USP20: variants seen among roughly 807,000 people sequenced by gnomAD.
The protein encoded by USP20 is ubiquitin carboxyl-terminal hydrolase 20.
In USP20, 80 loss-of-function variants were observed where a neutral mutation model predicts 124.2. The ratio of observed to expected loss-of-function variants is 0.64; its 90% confidence interval spans 0.54 to 0.78. The LOEUF (loss-of-function observed/expected upper bound fraction) is 0.78, where lower values mean the gene tolerates loss of function less well. Among genes scored for constraint, USP20 ranks in the 30% least tolerant of loss-of-function variants. USP20 has a pLI of 0.00. For missense variants in USP20, 1,043 were observed against 1,244.4 expected (o/e 0.84, Z 2.44); for synonymous variants, 481 against 512.3 (o/e 0.94, Z 0.83).
intron 9 of USP20, 48 bp downstream of exon 9, chr9:129,863,347 T>G: frequency 3.4e-5 from 49 of 1,434,468 alleles, no homozygotes; most frequent in African/African-American, 5.6e-5. Context: ...GGACTGGGGT[T>G]TCCTGTCAGC....
chr9:129,874,362 A>C (rs1337279860), intron 17 of USP20, among the ~76,000 whole-genome samples: 1 of 152,108 alleles, frequency 6.6e-6, no homozygotes, highest in Non-Finnish European at 1.5e-5. Context: ...TTGATGGCTC[A>C]TTGCAGCTCT....
intron 22 of USP20, among the ~76,000 whole-genome samples, chr9:129,876,655 GAAAA>G (rs1319252166): frequency 2.2e-5 from 3 of 139,422 alleles, no homozygotes; most frequent in Admixed American, 7.2e-5. Context: ...AAAAAAAAAA[GAAAA>G]AGAAAAGAAA....
intron 2 of USP20, 86 bp from the exon 3 acceptor site, chr9:129,852,454 C>G: frequency 8.0e-7 from 1 of 1,247,290 alleles, no homozygotes; most frequent in Non-Finnish European, 1.1e-6. Flanking sequence ...GACTCAAGGC[C>G]AAAGTCATGT....
At chr9:129,870,390 C>G in intron 14 of USP20, 63 bp from the exon 15 acceptor site, 2 of 1,546,562 alleles carry the variant, frequency 1.3e-6, no homozygotes, top group South Asian at 1.1e-5. Flanking sequence ...CAGCCAGAGT[C>G]CCTTCAGCTC....
At chr9:129,861,422 A>G (rs930806599) in intron 7 of USP20, 121 bp from the exon 8 acceptor site, 5 of 871,070 alleles carry the variant, frequency 5.7e-6, no homozygotes, top group African/African-American at 3.3e-5. Context: ...CGCTTCCACC[A>G]TGTCCTCTTC....
rs535125003 is a variant in USP20 at position 129,854,085 on chromosome 9, C to A, written c.81+1449C>A. The stretch of plus-strand genomic sequence containing the variant: ...TGAAAAAGATGGCTGACTTCACTCT[C>A]ATTCTTATGGATATTGCTAATGAAA... On this transcript the variant is annotated intron_variant, in intron 3 of 25. Transcript: ENST00000372429. 1.4e-4 allele frequency among the ~76,000 whole-genome samples: 21 copies of A among 152,354 alleles called. No homozygotes were observed. In the South Asian group the frequency reaches 4.1e-3, roughly 30 times the overall value.
intron 9 of USP20, among the ~76,000 whole-genome samples, chr9:129,863,806 C>T (rs1288864110): frequency 2.0e-5 from 3 of 152,172 alleles, no homozygotes; most frequent in Admixed American, 6.5e-5. Flanking sequence ...TGTGTAGAAG[C>T]GGATGAAAAA....
At chr9:129,867,596 AC>A (rs1386456471) in intron 10 of USP20, among the ~76,000 whole-genome samples, 2 of 151,110 alleles carry the variant, frequency 1.3e-5, no homozygotes, top group Non-Finnish European at 3.0e-5. Flanking sequence ...TCCTTCCGCC[AC>A]CCCCCTGCCC....
intron 25 of USP20, 80 bp from the exon 26 acceptor site, chr9:129,880,387 C>A: frequency 7.4e-7 from 1 of 1,350,302 alleles, no homozygotes; most frequent in South Asian, 1.4e-5. Flanking sequence ...AGAGCAGGTC[C>A]CTGAAAGCAC....
At chr9:129,870,113 G>T (rs2034041991) in intron 14 of USP20, 1 of 575,708 alleles carries the variant, frequency 1.7e-6, no homozygotes, top group East Asian at 2.9e-5. Flanking sequence ...GAGGGCAGCA[G>T]CAGGACACAG....
rs773142544 is a variant in USP20, at chr9:129,868,955, C to T, written c.1229C>T (p.Pro410Leu). The change falls in exon 12 of 26, where the codon CCT becomes CTT. Residue 410 changes from proline (P) to leucine (L), a missense_variant. By Grantham distance (98) the Pro-to-Leu change is moderately conservative (BLOSUM62 -3). Transcript: ENST00000372429. ...CATGCCAAGCTGTCTAGCAGCCCCCCTCGTGCAAGCCCCGTGAGGATGGCA... is the reference window on the plus strand; with the variant it reads ...CATGCCAAGCTGTCTAGCAGCCCCCTTCGTGCAAGCCCCGTGAGGATGGCA... ...EGHAKLSSSP[P>L]RASPVRMAPS... 1 of 1,612,786 alleles carries T rather than the reference C, an allele frequency of 6.2e-7. No individual in the cohort carries two copies. The highest frequency in any genetic ancestry group is 8.5e-7 in the Non-Finnish European group (1 of 1,179,374).
intron 19 of USP20, 70 bp downstream of exon 19, chr9:129,875,025 G>T: frequency 6.3e-7 from 1 of 1,576,882 alleles, no homozygotes; most frequent in Non-Finnish European, 8.6e-7. Context: ...GGGCCTTCTG[G>T]GTGTGTGTAG....
intron 1 of USP20, among the ~76,000 whole-genome samples, chr9:129,840,878 C>A (rs1349499098): frequency 1.4e-5 from 2 of 148,068 alleles, no homozygotes; most frequent in African/African-American, 5.0e-5. Context: ...TCAAGTGATT[C>A]TTCTACCTCA....
At chr9:129,844,887 A>G (rs2032449423) in intron 1 of USP20, among the ~76,000 whole-genome samples, 1 of 151,916 alleles carries the variant, frequency 6.6e-6, no homozygotes, top group African/African-American at 2.4e-5. Context: ...TGAGGCAAAA[A>G]TGAATATTGA....
At chr9:129,852,778 C>T in intron 3 of USP20, 142 bp downstream of exon 3, 1 of 885,026 alleles carries the variant, frequency 1.1e-6, no homozygotes. Context: ...ATGCTGGCAT[C>T]TGCTTGGGAG....
chr9:129,849,797 C>T lies in USP20; in HGVS notation c.-128-16C>T, dbSNP rs1261087172. 1 of 152,260 alleles carries T rather than the reference C, an allele frequency of 6.6e-6. No individual in the cohort carries two copies. Among genetic ancestry groups the T allele is most frequent in the Non-Finnish European group, 1.5e-5 (1 of 68,114 alleles). The allele number at this position is 152,260 out of a possible 1,614,324, so 9.4% of individuals were successfully genotyped here. On this transcript the variant is annotated splice_polypyrimidine_tract_variant and intron_variant, in intron 1 of 25. Coordinates refer to ENST00000372429, the MANE Select transcript of USP20 (RefSeq NM_001110303.4). ...TAATAACAGAACTGTGTGAAATGCT[C>T]TGGTTCATCCCCCAGGCTCCTTGCC... is the stretch of plus-strand genomic sequence containing the variant.
chr9:129,863,112 G>A lies in USP20; in HGVS notation c.498-74G>A, dbSNP rs143402849. 8.9e-6 allele frequency: 11 copies of A among 1,237,078 alleles called. No homozygotes were observed. In the African/African-American group the frequency reaches 1.2e-4, roughly 13 times the overall value. The allele number at this position is 1,237,078 out of a possible 1,614,324, so 76.6% of individuals were successfully genotyped here. On this transcript the variant is annotated intron_variant, in intron 8 of 25. Coordinates refer to ENST00000372429, the MANE Select transcript of USP20 (RefSeq NM_001110303.4). ...CCTGTGCGAGCACTCAGGGCTCCCC[G>A]CTATGCAGCCCTTTCTAAACTGCCG...
At position 129,839,312 on chromosome 9, in the gene USP20, C is replaced by T. The variant is rs2032056930; in HGVS notation, c.-129+3813C>T. Among the ~76,000 whole-genome samples the T allele has an allele frequency of 6.6e-6, 1 of 152,104 alleles. No individual in the cohort carries two copies. The highest frequency in any genetic ancestry group is 2.4e-5 in the African/African-American group (1 of 41,406). On this transcript the variant is annotated intron_variant, in intron 1 of 25. Coordinates refer to ENST00000372429, the MANE Select transcript of USP20 (RefSeq NM_001110303.4). This position sits in a 1 kb window ranked among gnomAD's most constrained non-coding sequence, Gnocchi z 4.5. The stretch of plus-strand genomic sequence containing the variant: ...CCAGTGAGGTCACATGTGAGAACAC[C>T]AGACTAAGATGTTAGTGTCAGTTCC...
chr9:129,859,310 G>C (rs1456385906), intron 6 of USP20, among the ~76,000 whole-genome samples: 1 of 18,720 alleles, frequency 5.3e-5, no homozygotes, highest in Non-Finnish European at 1.4e-4. Flanking sequence ...GTCTCGCTCT[G>C]TTGCTCAGGC....
Sources: allele counts gnomAD v4.1 joint callset (sites outside exome capture counted in the v4.1 genomes callset), GRCh38; gene constraint gnomAD v4.1.1; non-coding constraint Gnocchi (gnomAD v3.1); transcripts MANE v1.5; gene names NCBI Gene and HGNC (gene_info 2026-07-23, HGNC 2026-07-21).